GSDME: variants seen among roughly 807,000 people sequenced by gnomAD.
GSDME encodes the protein gasdermin-E.
GSDME carries 44 observed loss-of-function variants against 47.5 expected under a neutral mutation model. That is an observed-to-expected ratio of 0.93 (90% CI 0.73 to 1.19). The LOEUF is 1.19. Ranked by LOEUF, GSDME falls within the 50% of genes most tolerant of loss-of-function variation. The pLI, the probability that GSDME is intolerant of heterozygous loss-of-function variation, is 0.00. For missense variants in GSDME, 663 were observed against 604.2 expected (o/e 1.10, Z -1.02); for synonymous variants, 258 against 252.8 (o/e 1.02, Z -0.20).
chr7:24,716,063 C>T lies in GSDME; in HGVS notation c.697+1191G>A, dbSNP rs1481339273. The stretch of plus-strand genomic sequence containing the variant: ...GGCGTAGTGACTCATGTGGGCTTAG[C>T]GAGGGCAGGAGCTGTCTCACGGGAG... On this transcript the variant is annotated intron_variant, in intron 5 of 9. Transcript: ENST00000645220. The surrounding 1 kb of genome is among the most constrained non-coding windows in gnomAD (Gnocchi z 4.5). 6.6e-6 allele frequency among the ~76,000 whole-genome samples: 1 copy of T among 152,208 alleles called. No individual in the cohort carries two copies. The highest frequency in any genetic ancestry group is 6.5e-5 in the Admixed American group (1 of 15,282).
In GSDME at chr7:24,733,646, TCC is replaced by T. The variant is rs1790213257; in HGVS notation, c.404+10914_404+10915del. Among the ~76,000 whole-genome samples, 1 of 152,106 alleles carries T rather than the reference TCC, an allele frequency of 6.6e-6. No individual in the cohort carries two copies. The highest frequency in any genetic ancestry group is 2.1e-4 in the South Asian group (1 of 4,828). The stretch of plus-strand genomic sequence containing the variant: ...AATATGGGTGGTGGCCTGGCAGTGC[TCC>T]TTGTGGGCCTGTAGTGCTGGTGGAC... On this transcript the variant is annotated intron_variant, in intron 3 of 9. Coordinates refer to ENST00000645220, the MANE Select transcript of GSDME (RefSeq NM_001127453.2). The surrounding 1 kb of genome is among the most constrained non-coding windows in gnomAD (Gnocchi z 4.3).
the GSDME span, among the ~76,000 whole-genome samples, chr7:24,790,747 G>T: frequency 3.9e-5 from 6 of 152,080 alleles, no homozygotes; most frequent in Admixed American, 1.3e-4. The surrounding 1 kb of genome is among the most constrained non-coding windows in gnomAD (Gnocchi z 4.1). Context: ...CACACATCAG[G>T]CTGGGCACTT....
At chr7:24,720,363 C>CT (rs1789732721) in intron 3 of GSDME, among the ~76,000 whole-genome samples, 1 of 152,152 alleles carries the variant, frequency 6.6e-6, no homozygotes, top group Non-Finnish European at 1.5e-5. Context: ...CCATGCTGGT[C>CT]TTTTTTTAAG....
chr7:24,715,504 G>T (rs181898728), intron 5 of GSDME: 3 of 470,820 alleles, frequency 6.4e-6, no homozygotes. Context: ...AGTAAGCTGC[G>T]GGGGAGTGAC....
At chr7:24,770,188 T>G in the GSDME span, among the ~76,000 whole-genome samples, 1 of 152,246 alleles carries the variant, frequency 6.6e-6, no homozygotes, top group Admixed American at 6.5e-5. This position sits in a 1 kb window ranked among gnomAD's most constrained non-coding sequence, Gnocchi z 4.6. Flanking sequence ...TAATCAACCA[T>G]GCCTACATCA....
Position 24,744,891 on chromosome 7 carries a change from G to T in GSDME, c.212-137C>A. On this transcript the variant is annotated intron_variant, in intron 2 of 9. Transcript: ENST00000645220. The surrounding 1 kb of genome is among the most constrained non-coding windows in gnomAD (Gnocchi z 4.5). The stretch of plus-strand genomic sequence containing the variant: ...ACTCAGATGGAAAGCCGGCAGCCAT[G>T]CTGTGTGTGTGGGCAAGAAAACAGG... 1 of 901,948 alleles carries T rather than the reference G, an allele frequency of 1.1e-6. No homozygotes were observed. The highest frequency in any genetic ancestry group is 1.7e-6 in the Non-Finnish European group (1 of 572,954). The allele number at this position is 901,948 out of a possible 1,614,324, so 55.9% of individuals were successfully genotyped here.
At chr7:24,788,627 C>T in the GSDME span, among the ~76,000 whole-genome samples, 120 of 152,272 alleles carry the variant, frequency 7.9e-4, no homozygotes, top group African/African-American at 2.7e-3. This position sits in a 1 kb window ranked among gnomAD's most constrained non-coding sequence, Gnocchi z 4.6. Context: ...TAATCACTGA[C>T]GGACATTAAC....
intron 6 of GSDME, 48 bp downstream of exon 6, chr7:24,710,176 G>C (rs1221915517): frequency 6.3e-7 from 1 of 1,596,966 alleles, no homozygotes; most frequent in Non-Finnish European, 8.6e-7. Context: ...GGGATACAGG[G>C]CTCAGTTGGC....
At chr7:24,793,166 G>C in the GSDME span, among the ~76,000 whole-genome samples, 1 of 152,124 alleles carries the variant, frequency 6.6e-6, no homozygotes, top group South Asian at 2.1e-4. Flanking sequence ...GTTACACTTA[G>C]TTTTAATAAA....
chr7:24,777,889 T>G, the GSDME span, among the ~76,000 whole-genome samples: 1 of 151,894 alleles, frequency 6.6e-6, no homozygotes, highest in African/African-American at 2.4e-5. Flanking sequence ...AAAAACAAAG[T>G]TTATGAAACC....
chr7:24,768,952 C>G, the GSDME span, among the ~76,000 whole-genome samples: 48 of 152,346 alleles, frequency 3.2e-4, 1 homozygote, highest in East Asian at 6.7e-3. The surrounding 1 kb of genome is among the most constrained non-coding windows in gnomAD (Gnocchi z 5.6). Context: ...ACTGGAGATA[C>G]AGCCAGGAAT....
intron 6 of GSDME, among the ~76,000 whole-genome samples, chr7:24,709,123 T>G (rs1789244632): frequency 1.3e-5 from 2 of 152,282 alleles, no homozygotes; most frequent in Non-Finnish European, 2.9e-5. Flanking sequence ...ATTTCAAAAC[T>G]CTGCTATACA....
rs1789940563 is a variant in GSDME, at chr7:24,725,636, T to A, written c.405-6418A>T. Among the ~76,000 whole-genome samples, 1 of 152,278 alleles carries A rather than the reference T, an allele frequency of 6.6e-6. No individual in the cohort carries two copies. The highest frequency in any genetic ancestry group is 6.5e-5 in the Admixed American group (1 of 15,302). On this transcript the variant is annotated intron_variant, in intron 3 of 9. Transcript: ENST00000645220. This position sits in a 1 kb window ranked among gnomAD's most constrained non-coding sequence, Gnocchi z 5.1. ...AGTGGGTACGTGACTGGGGGCTGCA[T>A]GCTCTGCTAATCAGATTGGAACAAA... is the stretch of plus-strand genomic sequence containing the variant.
Position 24,726,322 on chromosome 7 carries a change from C to T in GSDME, c.405-7104G>A, listed in dbSNP as rs1185729463. ...AGGGAAGCAGGTTTCTTTACCAAAG[C>T]ATAAAGGAGGTCCCGGGGATGCCTC... On this transcript the variant is annotated intron_variant, in intron 3 of 9. Transcript: ENST00000645220. This position sits in a 1 kb window ranked among gnomAD's most constrained non-coding sequence, Gnocchi z 5.6. Among the ~76,000 whole-genome samples the T allele has an allele frequency of 6.6e-6, 1 of 152,202 alleles. No individual in the cohort carries two copies. Among genetic ancestry groups the T allele is most frequent in the East Asian group, 1.9e-4 (1 of 5,204 alleles).
rs532028137 is a variant in GSDME at position 24,742,674 on chromosome 7, C to A, written c.404+1888G>T. 6.6e-6 allele frequency among the ~76,000 whole-genome samples: 1 copy of A among 152,146 alleles called. No individual in the cohort carries two copies. Among genetic ancestry groups the A allele is most frequent in the Admixed American group, 6.5e-5 (1 of 15,274 alleles). The stretch of plus-strand genomic sequence containing the variant: ...ACTGTGCTTCTTGAAATAGAAATAA[C>A]GAGACTGCAAAGCGCATCTAAGCTA... On this transcript the variant is annotated intron_variant, in intron 3 of 9. Transcript: ENST00000645220. The surrounding 1 kb of genome is among the most constrained non-coding windows in gnomAD (Gnocchi z 4.4).
rs1265935587 is a variant in GSDME, at chr7:24,725,139, A to C, written c.405-5921T>G. Among the ~76,000 whole-genome samples the C allele has an allele frequency of 6.6e-6, 1 of 152,190 alleles. No homozygotes were observed. Among genetic ancestry groups the C allele is most frequent in the African/African-American group, 2.4e-5 (1 of 41,428 alleles). On this transcript the variant is annotated intron_variant, in intron 3 of 9. Transcript: ENST00000645220. The surrounding 1 kb of genome is among the most constrained non-coding windows in gnomAD (Gnocchi z 5.1). ...TACCCAGTCTCAGGTATTTCCTTAT[A>C]ATAATGCAAACAGACTAACTCAATC...
chr7:24,702,894 G>A (rs768085844), intron 8 of GSDME, 61 bp from the exon 9 acceptor site: 395 of 1,393,102 alleles, frequency 2.8e-4, no homozygotes, highest in Non-Finnish European at 3.9e-4. Context: ...AACAGAGCCA[G>A]CCCCTGGATG....
chr7:24,779,555 T>A, the GSDME span, among the ~76,000 whole-genome samples: 1 of 146,066 alleles, frequency 6.8e-6, no homozygotes, highest in Non-Finnish European at 1.5e-5. This position sits in a 1 kb window ranked among gnomAD's most constrained non-coding sequence, Gnocchi z 6.0. Context: ...ATCAATGGGC[T>A]TTCATCAGGG....
At chr7:24,717,111 G>T in intron 5 of GSDME, 143 bp downstream of exon 5, 1 of 930,446 alleles carries the variant, frequency 1.1e-6, no homozygotes, top group Non-Finnish European at 1.7e-6. Context: ...ACCATGTCTT[G>T]GGACAATCTA....
Sources: allele counts gnomAD v4.1 joint callset (sites outside exome capture counted in the v4.1 genomes callset), GRCh38; gene constraint gnomAD v4.1.1; non-coding constraint Gnocchi (gnomAD v3.1); transcripts MANE v1.5; gene names NCBI Gene and HGNC (gene_info 2026-07-23, HGNC 2026-07-21).